Variants in FAM193A observed in about 807,000 individuals in gnomAD.
FAM193A encodes protein FAM193A.
Under a neutral mutation model 126.5 loss-of-function variants are expected in FAM193A, and 22 were observed. The observed-to-expected ratio is 0.17, with a 90% CI of 0.12 to 0.25. The LOEUF (loss-of-function observed/expected upper bound fraction) is 0.25, where lower values mean the gene tolerates loss of function less well. Among genes scored for constraint, FAM193A ranks in the 10% least tolerant of loss-of-function variants. The probability of loss-of-function intolerance (pLI) is 1.00; values close to 1 mark genes in which losing one functional copy is unlikely to be tolerated. For missense variants in FAM193A, 1,675 were observed against 1,672.8 expected, an observed-to-expected ratio of 1.00 and a Z score of -0.02; for synonymous variants, 761 against 646.8, an observed-to-expected ratio of 1.18 and a Z score of -2.68.
chr4:2,572,605 C>T (rs1739357362), intron 1 of FAM193A, among the ~76,000 whole-genome samples: 1 of 151,876 alleles, frequency 6.6e-6, no homozygotes, highest in South Asian at 2.1e-4. Flanking sequence ...TAAGAGGAGC[C>T]CTGTGCCACA....
At chr4:2,687,714 G>C (rs1052861107) in intron 13 of FAM193A, among the ~76,000 whole-genome samples, 1 of 152,170 alleles carries the variant, frequency 6.6e-6, no homozygotes, top group African/African-American at 2.4e-5. Context: ...TCCGCCTTCT[G>C]GTTCATCCAC....
intron 1 of FAM193A, among the ~76,000 whole-genome samples, chr4:2,541,046 G>A (rs1277033622): frequency 6.6e-6 from 1 of 151,902 alleles, no homozygotes; most frequent in African/African-American, 2.4e-5. Flanking sequence ...CGAGGCAGGA[G>A]GATCAGCTGA....
chr4:2,573,035 G>A (rs932358992), intron 1 of FAM193A, among the ~76,000 whole-genome samples: 12 of 152,058 alleles, frequency 7.9e-5, no homozygotes, highest in Non-Finnish European at 1.2e-4. Flanking sequence ...ATTTTGTTAT[G>A]TTTCTTTATT....
intron 2 of FAM193A, among the ~76,000 whole-genome samples, chr4:2,618,591 CTTT>C (rs34641526): frequency 1.3e-5 from 1 of 79,852 alleles, no homozygotes; most frequent in Non-Finnish European, 2.4e-5. Context: ...CCATGCCCGG[CTTT>C]TTTTTTTTTT....
chr4:2,558,562 G>GT (rs1476617471), intron 1 of FAM193A, among the ~76,000 whole-genome samples: 1 of 152,038 alleles, frequency 6.6e-6, no homozygotes, highest in Non-Finnish European at 1.5e-5. Context: ...AAATTTTTCT[G>GT]GGGGGGATGA....
At chr4:2,638,058 C>T (rs1744258365) in intron 5 of FAM193A, among the ~76,000 whole-genome samples, 2 of 152,238 alleles carry the variant, frequency 1.3e-5, no homozygotes, top group African/African-American at 4.8e-5. Flanking sequence ...CACTCATAGA[C>T]AGGCAGGTGG....
chr4:2,561,943 C>T (rs1480946424), intron 1 of FAM193A, among the ~76,000 whole-genome samples: 1 of 152,080 alleles, frequency 6.6e-6, no homozygotes, highest in Non-Finnish European at 1.5e-5. Context: ...ACTCTTCTTC[C>T]CATATTACAA....
intron 6 of FAM193A, among the ~76,000 whole-genome samples, chr4:2,640,805 A>T (rs1414309899): frequency 6.6e-6 from 1 of 151,964 alleles, no homozygotes; most frequent in African/African-American, 2.4e-5. Context: ...TCTCTACTAA[A>T]AATATAAAAA....
intron 14 of FAM193A, among the ~76,000 whole-genome samples, chr4:2,690,105 C>G (rs1393318731): frequency 6.6e-6 from 1 of 152,214 alleles, no homozygotes; most frequent in African/African-American, 2.4e-5. Flanking sequence ...AAATCTGTGA[C>G]TCACACTCCT....
intron 12 of FAM193A, among the ~76,000 whole-genome samples, chr4:2,667,797 T>C (rs373104461): frequency 3.9e-5 from 6 of 152,386 alleles, no homozygotes; most frequent in African/African-American, 1.4e-4. Flanking sequence ...AATTCTTCTG[T>C]TGATTCTTTT....
chr4:2,625,131 C>T (rs1015483604), intron 2 of FAM193A, 131 bp from the exon 3 acceptor site: 4 of 583,694 alleles, frequency 6.9e-6, no homozygotes, highest in Non-Finnish European at 1.2e-5. Context: ...CTGTATCTGG[C>T]CAAGATAGTT....
chr4:2,728,965 G>A (rs987262329), intron 20 of FAM193A, among the ~76,000 whole-genome samples: 1 of 132,480 alleles, frequency 7.5e-6, no homozygotes, highest in African/African-American at 2.9e-5. Context: ...AGGCCGTAGT[G>A]CAGTGGCGCA....
At chr4:2,728,797 C>T (rs931779685) in intron 20 of FAM193A, among the ~76,000 whole-genome samples, 2 of 151,126 alleles carry the variant, frequency 1.3e-5, no homozygotes, top group Non-Finnish European at 2.9e-5. Context: ...AAACCATATA[C>T]TCAGAAAGTA....
At chr4:2,724,195 T>A (rs1720480639) in intron 20 of FAM193A, among the ~76,000 whole-genome samples, 1 of 152,222 alleles carries the variant, frequency 6.6e-6, no homozygotes, top group East Asian at 1.9e-4. Context: ...TTCAATCAGC[T>A]TTGACCACAC....
chr4:2,583,744 A>G (rs1247051691), intron 1 of FAM193A, among the ~76,000 whole-genome samples: 2 of 152,070 alleles, frequency 1.3e-5, no homozygotes, highest in African/African-American at 4.8e-5. Flanking sequence ...GATTGTGTCT[A>G]CCCCAGGTGA....
chr4:2,628,836 C>T (rs902699082), intron 4 of FAM193A, among the ~76,000 whole-genome samples: 8 of 149,598 alleles, frequency 5.3e-5, no homozygotes, highest in African/African-American at 1.9e-4. Context: ...GCTTCTTCAG[C>T]ATATTGCTGT....
chr4:2,543,801 C>T (rs116048392), intron 1 of FAM193A, among the ~76,000 whole-genome samples: 4,140 of 127,414 alleles, frequency 0.032, 209 homozygotes, highest in African/African-American at 0.11. Flanking sequence ...GGGTGCAGGG[C>T]TGAGGTTGCA....
intron 1 of FAM193A, among the ~76,000 whole-genome samples, chr4:2,594,237 G>A (rs570443263): frequency 2.0e-5 from 3 of 152,168 alleles, no homozygotes; most frequent in East Asian, 1.9e-4. Context: ...GCTTCCTGCC[G>A]GTCAGCAGGA....
intron 2 of FAM193A, among the ~76,000 whole-genome samples, chr4:2,618,783 C>A (rs908133438): frequency 1.3e-4 from 20 of 151,944 alleles, no homozygotes; most frequent in African/African-American, 4.8e-4. Context: ...TTAGAAGGGA[C>A]AAGGTTGCTC....
Sources: allele counts gnomAD v4.1 joint callset (sites outside exome capture counted in the v4.1 genomes callset), GRCh38; gene constraint gnomAD v4.1.1; transcripts MANE v1.5; gene names NCBI Gene and HGNC (gene_info 2026-07-23, HGNC 2026-07-21).